CASK: variants seen among roughly 807,000 people sequenced by gnomAD.
CASK encodes calcium/calmodulin dependent serine protein kinase, also known as peripheral plasma membrane protein CASK.
In CASK, 4 loss-of-function variants were observed where a neutral mutation model predicts 82.9. The ratio of observed to expected loss-of-function variants is 0.05; its 90% confidence interval spans 0.02 to 0.11. The LOEUF (loss-of-function observed/expected upper bound fraction) is 0.11, where lower values mean the gene tolerates loss of function less well. Ranked by LOEUF, CASK falls within the 10% of genes least tolerant of loss-of-function variation. The probability of loss-of-function intolerance (pLI) is 1.00; values close to 1 mark genes in which losing one functional copy is unlikely to be tolerated. For missense variants in CASK, 358 were observed against 720.9 expected (o/e 0.50, Z 5.76); for synonymous variants, 259 against 253.5 (o/e 1.02, Z -0.20).
chrX:41,605,619 C>G (rs1248930103), intron 12 of CASK, among the ~76,000 whole-genome samples: 2 of 111,657 alleles, frequency 1.8e-5, no homozygotes, highest in Admixed American at 1.9e-4. Context: ...CGTTTTGATT[C>G]TGCAAAATAA....
Position 41,636,672 on chromosome X carries a change from T to C in CASK, c.832-11A>G, listed in dbSNP as rs375613208. The stretch of plus-strand genomic sequence containing the variant: ...GTAACGATCCCGCTCCTATGTAAGA[T>C]GAAAGATAATGAACATATATAACCG... On this transcript the variant is annotated splice_polypyrimidine_tract_variant and intron_variant, in intron 8 of 26. Coordinates refer to ENST00000378163, the MANE Select transcript of CASK (RefSeq NM_001367721.1). 74 of 1,060,306 alleles carry C rather than the reference T, an allele frequency of 7.0e-5. No individual in the cohort carries two copies. The highest frequency in any genetic ancestry group is 9.4e-5 in the Non-Finnish European group (71 of 759,040). The allele number at this position is 1,060,306 out of a possible 1,213,427, so 87.4% of individuals were successfully genotyped here.
rs398123811 is a variant in CASK at position 41,534,706 on chromosome X, G to A, written c.2317C>T (p.His773Tyr). ...GAAAAGAGATTGAGACATTGCTTAC[G>A]TGGAATAGGGTACGCAAACCGGTCT... ...HPDRFAYPIP[H>Y]TTRPPKKDEE... Residue 773 changes from histidine to tyrosine, a missense_variant and splice_region_variant, in exon 24 of 27, where the codon CAT (histidine) becomes TAT (tyrosine). Transcript: ENST00000378163. The A allele has an allele frequency of 2.5e-6, 3 of 1,186,937 alleles. No individual in the cohort carries two copies. Among genetic ancestry groups the A allele is most frequent in the Admixed American group, 2.2e-5 (1 of 45,660 alleles).
At chrX:41,639,860 C>T (rs1444658536) in intron 8 of CASK, among the ~76,000 whole-genome samples, 1 of 111,752 alleles carries the variant, frequency 8.9e-6, no homozygotes, top group Non-Finnish European at 1.9e-5. Flanking sequence ...CAGCTTCTTT[C>T]ATATAGCATA....
intron 21 of CASK, among the ~76,000 whole-genome samples, chrX:41,550,175 C>T (rs926974901): frequency 9.0e-6 from 1 of 111,527 alleles, no homozygotes; most frequent in Non-Finnish European, 1.9e-5. Context: ...AAAAGAAAAA[C>T]ATATTCATTA....
rs1203503554 is a variant in CASK, at chrX:41,515,000, T to C, written c.*5420A>G. The C allele has an allele frequency of 8.9e-6, 1 of 112,667 alleles. No individual in the cohort carries two copies. Among genetic ancestry groups the C allele is most frequent in the Non-Finnish European group, 1.9e-5 (1 of 53,337 alleles). 9.3% of individuals were successfully genotyped at this position (112,667 alleles called of 1,213,427 possible). On this transcript the variant is annotated 3_prime_UTR_variant, in exon 27 of 27. Transcript: ENST00000378163. Reference sequence around the variant, plus strand: ...TTGAAATGACAAAAGCCCAATTCTATGGTTTCCCATTACACAGCATCCTAC... The same window carrying C: ...TTGAAATGACAAAAGCCCAATTCTACGGTTTCCCATTACACAGCATCCTAC...
At chrX:41,919,701 T>C (rs149636322) in intron 1 of CASK, among the ~76,000 whole-genome samples, 17 of 112,262 alleles carry the variant, frequency 1.5e-4, no homozygotes, top group African/African-American at 5.5e-4. Flanking sequence ...ATTTAAAAGA[T>C]AGTTACATAG....
rs959758824 is a variant in CASK at position 41,671,367 on chromosome X, T to C, written c.532+61A>G. ...GTTGGGCTAATATGTAGCTTGAAAGTTTTATACCAGTCGCAAGTGACCAGG... is the reference window on the plus strand; with the variant it reads ...GTTGGGCTAATATGTAGCTTGAAAGCTTTATACCAGTCGCAAGTGACCAGG... On this transcript the variant is annotated intron_variant, in intron 6 of 26. Transcript: ENST00000378163. The C allele has an allele frequency of 5.7e-6, 4 of 704,913 alleles. No individual in the cohort carries two copies. In the African/African-American group the frequency reaches 8.5e-5, roughly 15 times the overall value. 58.1% of individuals were successfully genotyped at this position (704,913 alleles called of 1,213,427 possible). A position where few individuals can be genotyped will look rare whatever the true frequency, so the allele number is the denominator to read the frequency against.
intron 1 of CASK, among the ~76,000 whole-genome samples, chrX:41,876,508 T>C (rs1033456864): frequency 2.7e-5 from 3 of 111,805 alleles, no homozygotes; most frequent in African/African-American, 9.7e-5. Flanking sequence ...AAGCAAATAT[T>C]CACTTATTTT....
intron 2 of CASK, among the ~76,000 whole-genome samples, chrX:41,846,406 G>A (rs2071155145): frequency 2.0e-5 from 2 of 98,093 alleles, no homozygotes; most frequent in Non-Finnish European, 2.1e-5. Context: ...ACAGGTAGAA[G>A]AGTGGTTACC....
chrX:41,864,478 C>CA (rs1247684437), intron 1 of CASK, among the ~76,000 whole-genome samples: 1 of 111,793 alleles, frequency 8.9e-6, no homozygotes, highest in Non-Finnish European at 1.9e-5. Flanking sequence ...TCACACTCCA[C>CA]CCCGTTGCCC....
Position 41,749,376 on chromosome X carries a change from A to ATTT in CASK, c.279-3778_279-3776dup, listed in dbSNP as rs35045589. Among the ~76,000 whole-genome samples the ATTT allele has an allele frequency of 3.2e-4, 23 of 72,383 alleles. 3 individuals carry two copies. Among genetic ancestry groups the ATTT allele is most frequent in the Admixed American group, 4.8e-4 (3 of 6,287 alleles). 62.9% of individuals were successfully genotyped at this position (72,383 alleles called of 115,157 possible). On this transcript the variant is annotated intron_variant, in intron 3 of 26. Coordinates refer to ENST00000378163, the MANE Select transcript of CASK (RefSeq NM_001367721.1). ...AAAAAAATCTCATTATTCTTCACCAATTTTTTTTTTTTTTTTTTTTTTTTT... is the reference window on the plus strand; with the variant it reads ...AAAAAAATCTCATTATTCTTCACCAATTTTTTTTTTTTTTTTTTTTTTTTTTTT...
chrX:41,852,290 G>A (rs2071280076), intron 2 of CASK, among the ~76,000 whole-genome samples: 1 of 111,200 alleles, frequency 9.0e-6, no homozygotes, highest in Non-Finnish European at 1.9e-5. Flanking sequence ...ATATAAATAG[G>A]CTACACTGCC....
At chrX:41,689,338 A>G (rs890308666) in intron 5 of CASK, among the ~76,000 whole-genome samples, 1 of 112,121 alleles carries the variant, frequency 8.9e-6, no homozygotes, top group Admixed American at 9.5e-5. Flanking sequence ...CAATATAGTC[A>G]CATTGTTGAT....
chrX:41,561,911 A>C (rs1264442929), intron 16 of CASK: 9 of 234,622 alleles, frequency 3.8e-5, no homozygotes, highest in Non-Finnish European at 6.0e-5. Flanking sequence ...TAGTGGTTTA[A>C]AAGTATGGCT....
intron 2 of CASK, among the ~76,000 whole-genome samples, chrX:41,796,236 C>T (rs1337788807): frequency 1.8e-5 from 2 of 112,911 alleles, no homozygotes; most frequent in Non-Finnish European, 3.7e-5. Flanking sequence ...CTTAGAACAT[C>T]TGTTTCCTCA....
chrX:41,856,043 C>A (rs2071363194), intron 1 of CASK, among the ~76,000 whole-genome samples: 1 of 111,989 alleles, frequency 8.9e-6, no homozygotes, highest in Non-Finnish European at 1.9e-5. Flanking sequence ...TGTCCCTATG[C>A]AGACACAGAC....
intron 5 of CASK, among the ~76,000 whole-genome samples, chrX:41,672,180 A>AG (rs2067205211): frequency 9.0e-6 from 1 of 111,142 alleles, no homozygotes; most frequent in Admixed American, 9.6e-5. Flanking sequence ...AAAAAGGAGA[A>AG]GGGGAAAGAA....
chrX:41,534,343 T>C (rs1299620771), intron 24 of CASK, among the ~76,000 whole-genome samples: 1 of 109,146 alleles, frequency 9.2e-6, no homozygotes, highest in Non-Finnish European at 1.9e-5. Context: ...TATGACATAT[T>C]GTTAGAAAAA....
chrX:41,869,112 A>C (rs1307693321), intron 1 of CASK, among the ~76,000 whole-genome samples: 5 of 111,684 alleles, frequency 4.5e-5, no homozygotes, highest in Non-Finnish European at 1.9e-5. Context: ...AAGGGAACTC[A>C]CAGTAGTGAG....
Sources: allele counts gnomAD v4.1 joint callset (sites outside exome capture counted in the v4.1 genomes callset), GRCh38; gene constraint gnomAD v4.1.1; transcripts MANE v1.5; gene names NCBI Gene and HGNC (gene_info 2026-07-23, HGNC 2026-07-21).